Variants in INPP4A observed in about 807,000 individuals in gnomAD.
INPP4A encodes inositol polyphosphate-4-phosphatase type I A.
INPP4A carries 33 observed loss-of-function variants against 119.8 expected under a neutral mutation model. That is an observed-to-expected ratio of 0.28 (90% CI 0.21 to 0.37). The LOEUF (loss-of-function observed/expected upper bound fraction) is 0.37, where lower values mean the gene tolerates loss of function less well. Among genes scored for constraint, INPP4A ranks in the 10% least tolerant of loss-of-function variants. The pLI is 1.00. For missense variants in INPP4A, 956 were observed against 1,289.9 expected (o/e 0.74, Z 3.97); for synonymous variants, 496 against 500.7 (o/e 0.99, Z 0.12).
intron 3 of INPP4A, 122 bp downstream of exon 3, chr2:98,520,276 C>A (rs538693683): frequency 6.6e-6 from 5 of 754,606 alleles, no homozygotes; most frequent in Non-Finnish European, 1.1e-5. Flanking sequence ...TACAGGGTAC[C>A]CTGGTTTGGC....
At chr2:98,476,949 C>A (rs904338374) in intron 1 of INPP4A, among the ~76,000 whole-genome samples, 1 of 152,220 alleles carries the variant, frequency 6.6e-6, no homozygotes, top group Non-Finnish European at 1.5e-5. Flanking sequence ...CTGAGTGCCT[C>A]CATCCCCCTG....
At position 98,546,788 on chromosome 2, in the gene INPP4A, C is replaced by A; in HGVS notation, c.1163+94C>A. 1.2e-6 allele frequency: 1 copy of A among 801,550 alleles called. No individual in the cohort carries two copies. Among genetic ancestry groups the A allele is most frequent in the Non-Finnish European group, 2.1e-6 (1 of 471,954 alleles). The allele number at this position is 801,550 out of a possible 1,614,324, so 49.7% of individuals were successfully genotyped here. ...AAATCAAAATATGACCGCAAAAACA[C>A]CCAGCCATCTGATCTGCTTTTGCGT... is the stretch of plus-strand genomic sequence containing the variant. On this transcript the variant is annotated intron_variant, in intron 13 of 24. Transcript: ENST00000409851. This position sits in a 1 kb window ranked among gnomAD's most constrained non-coding sequence, Gnocchi z 4.2.
Position 98,539,655 on chromosome 2 carries a change from A to G in INPP4A, c.798A>G (p.Leu266=), listed in dbSNP as rs768577470. ...TGCCCCGGCAGTTCGTGAAGCTCCT[A>G]CTAGAGGAAGATGCAGCCAGGTGAG... The part of the protein sequence containing the change: ...LHVPRQFVKL[L]LEEDAARVCE... The change falls in exon 10 of 25, where the codon CTA becomes CTG. Residue 266 remains leucine (L), a synonymous_variant. Coordinates refer to ENST00000409851, the MANE Select transcript of INPP4A (RefSeq NM_001134225.2). 5 of 1,609,426 alleles carry G rather than the reference A, an allele frequency of 3.1e-6. No homozygotes were observed. Among genetic ancestry groups the G allele is most frequent in the Non-Finnish European group, 4.2e-6 (5 of 1,177,952 alleles).
rs546758994 is a variant in INPP4A, at chr2:98,481,990, A to G, written c.-166+36905A>G. Among the ~76,000 whole-genome samples the G allele has an allele frequency of 1.5e-4, 23 of 152,332 alleles. 1 individual carries two copies. The highest frequency in any genetic ancestry group is 5.3e-4 in the African/African-American group (22 of 41,570). Reference sequence around the variant, plus strand: ...TAACAACTCAACACTGTGTACTTTAAAAGCTCCAAGTTTAGGCTCACACCT... The same window carrying G: ...TAACAACTCAACACTGTGTACTTTAGAAGCTCCAAGTTTAGGCTCACACCT... On this transcript the variant is annotated intron_variant, in intron 1 of 24. Transcript: ENST00000409851.
chr2:98,521,917 A>G (rs530314983), intron 4 of INPP4A, among the ~76,000 whole-genome samples: 1 of 152,290 alleles, frequency 6.6e-6, no homozygotes, highest in East Asian at 1.9e-4. Flanking sequence ...CCCTGTCTCT[A>G]AAAAATAATA....
At chr2:98,508,402 AGCTGCGTCTCCT>A (rs1684490462) in intron 1 of INPP4A, among the ~76,000 whole-genome samples, 1 of 152,248 alleles carries the variant, frequency 6.6e-6, no homozygotes, top group Non-Finnish European at 1.5e-5. Context: ...ACAGTCTTCC[AGCTGCGTCTCCT>A]GGAATGAACC....
intron 1 of INPP4A, among the ~76,000 whole-genome samples, chr2:98,463,297 C>T (rs2104683440): frequency 6.6e-6 from 1 of 152,320 alleles, no homozygotes; most frequent in East Asian, 1.9e-4. Context: ...GATGGTTCTG[C>T]AGGGACCTTA....
chr2:98,510,309 A>T (rs1212573758), intron 1 of INPP4A, among the ~76,000 whole-genome samples: 1 of 152,080 alleles, frequency 6.6e-6, no homozygotes, highest in Non-Finnish European at 1.5e-5. Flanking sequence ...GAGATGGGAA[A>T]CCTTGAGGGG....
chr2:98,536,019 G>A (rs1690198842), intron 6 of INPP4A, 110 bp from the exon 7 acceptor site: 3 of 744,180 alleles, frequency 4.0e-6, no homozygotes, highest in South Asian at 3.4e-5. Flanking sequence ...TCTGACATAA[G>A]GGTAAGAGGT....
At chr2:98,535,872 G>C in intron 6 of INPP4A, 27 bp downstream of exon 6, 1 of 1,162,134 alleles carries the variant, frequency 8.6e-7, no homozygotes, top group Non-Finnish European at 1.3e-6. Context: ...TAGTTCGTGG[G>C]ATTTTCTTCC....
At chr2:98,474,045 C>T (rs1385903673) in intron 1 of INPP4A, among the ~76,000 whole-genome samples, 1 of 152,202 alleles carries the variant, frequency 6.6e-6, no homozygotes, top group Non-Finnish European at 1.5e-5. Flanking sequence ...CGGGGGCAGT[C>T]TGCCATATAC....
intron 1 of INPP4A, among the ~76,000 whole-genome samples, chr2:98,508,363 A>G (rs13408378): frequency 0.026 from 3,985 of 152,332 alleles, 184 homozygotes; most frequent in African/African-American, 0.091. Flanking sequence ...CGCCTCCACC[A>G]TAGAGGAGCC....
At chr2:98,490,998 T>TA (rs1680622492) in intron 1 of INPP4A, among the ~76,000 whole-genome samples, 3 of 151,820 alleles carry the variant, frequency 2.0e-5, no homozygotes, top group African/African-American at 7.3e-5. Flanking sequence ...TAGAAAAAAA[T>TA]AAAATGAGGT....
rs1040893949 is a variant in INPP4A, at chr2:98,570,016, G to A, written c.2518+1348G>A. On this transcript the variant is annotated intron_variant, in intron 22 of 24. Transcript: ENST00000409851. This position sits in a 1 kb window ranked among gnomAD's most constrained non-coding sequence, Gnocchi z 4.3. The stretch of plus-strand genomic sequence containing the variant: ...TTGGGCTGAGGATGCACTCCTCAGC[G>A]GCCACGTGCAGCTGGCGCTGGGGAG... Among the ~76,000 whole-genome samples the A allele has an allele frequency of 3.3e-5, 5 of 152,158 alleles. No homozygotes were observed. The highest frequency in any genetic ancestry group is 1.2e-4 in the African/African-American group (5 of 41,432).
upstream of INPP4A, chr2:98,444,732 G>C (rs1432911102): frequency 6.6e-6 from 1 of 152,340 alleles, no homozygotes; most frequent in Non-Finnish European, 1.5e-5. Context: ...TCGGTCACCG[G>C]CCCTACTGTC....
intron 24 of INPP4A, among the ~76,000 whole-genome samples, chr2:98,587,167 C>A (rs1191591605): frequency 6.6e-6 from 1 of 152,158 alleles, no homozygotes; most frequent in Non-Finnish European, 1.5e-5. Context: ...TATGATAGAA[C>A]CCCAAAAGAC....
chr2:98,527,616 T>C (rs2105842653), intron 4 of INPP4A, among the ~76,000 whole-genome samples: 1 of 152,316 alleles, frequency 6.6e-6, no homozygotes, highest in Admixed American at 6.5e-5. Flanking sequence ...TTACCTGAGA[T>C]TGACCCTGAG....
intron 19 of INPP4A, 83 bp downstream of exon 19, chr2:98,564,846 C>T (rs1696143123): frequency 2.8e-6 from 4 of 1,427,338 alleles, no homozygotes; most frequent in Non-Finnish European, 2.8e-6. Context: ...TCTCACTATA[C>T]CAGTAATGCG....
intron 1 of INPP4A, among the ~76,000 whole-genome samples, chr2:98,485,607 A>G (rs1679386959): frequency 6.6e-6 from 1 of 152,076 alleles, no homozygotes; most frequent in South Asian, 2.1e-4. Flanking sequence ...ACACTAATGC[A>G]ACTCTTCTGG....
Sources: allele counts gnomAD v4.1 joint callset (sites outside exome capture counted in the v4.1 genomes callset), GRCh38; gene constraint gnomAD v4.1.1; non-coding constraint Gnocchi (gnomAD v3.1); transcripts MANE v1.5; gene names NCBI Gene and HGNC (gene_info 2026-07-23, HGNC 2026-07-21).